SLC25A26: variants seen among roughly 807,000 people sequenced by gnomAD.
The protein encoded by SLC25A26 is mitochondrial S-adenosylmethionine carrier protein.
In SLC25A26, 36 loss-of-function variants were observed where a neutral mutation model predicts 37.8. That is an observed-to-expected ratio of 0.95 (90% confidence interval 0.73 to 1.26). The LOEUF (loss-of-function observed/expected upper bound fraction) is 1.26. Ranked by LOEUF, SLC25A26 falls within the 50% of genes most tolerant of loss-of-function variation. The pLI, the probability that SLC25A26 is intolerant of heterozygous loss-of-function variation, is 0.00. For synonymous variants in SLC25A26, 129 were observed against 122.5 expected, an observed-to-expected ratio of 1.05 and a Z score of -0.35; for missense variants, 390 against 331.1, an observed-to-expected ratio of 1.18 and a Z score of -1.38.
At chr3:66,259,088 A>G (rs1382513203) in intron 3 of SLC25A26, among the ~76,000 whole-genome samples, 1 of 152,104 alleles carries the variant, frequency 6.6e-6, no homozygotes, top group Non-Finnish European at 1.5e-5. Flanking sequence ...CTGCCAGGGT[A>G]GGAGGGGAGA....
At chr3:66,352,378 G>T (rs535436610) in intron 6 of SLC25A26, among the ~76,000 whole-genome samples, 1 of 151,602 alleles carries the variant, frequency 6.6e-6, no homozygotes, top group East Asian at 1.9e-4. Flanking sequence ...CGCTGTGCCC[G>T]GCCACGTTGC....
chr3:66,136,694 T>G (rs1009872099), intron 1 of SLC25A26, among the ~76,000 whole-genome samples: 2 of 152,270 alleles, frequency 1.3e-5, no homozygotes, highest in African/African-American at 4.8e-5. Context: ...CTCTTCTGCT[T>G]TGACTGGGAT....
intron 6 of SLC25A26, among the ~76,000 whole-genome samples, chr3:66,361,438 A>G (rs1195491650): frequency 6.6e-6 from 1 of 152,158 alleles, no homozygotes; most frequent in Non-Finnish European, 1.5e-5. Flanking sequence ...AGATGCTGTT[A>G]AAAGAATGAT....
At chr3:66,341,621 C>G (rs1394584345) in intron 5 of SLC25A26, among the ~76,000 whole-genome samples, 1 of 152,160 alleles carries the variant, frequency 6.6e-6, no homozygotes, top group Non-Finnish European at 1.5e-5. Context: ...TCAAACTGTT[C>G]ACACTCATCT....
intron 5 of SLC25A26, among the ~76,000 whole-genome samples, chr3:66,293,749 A>G (rs974052308): frequency 2.3e-4 from 35 of 152,174 alleles, no homozygotes; most frequent in African/African-American, 8.4e-4. Flanking sequence ...TATAGTATTC[A>G]TGGTATATAT....
At chr3:66,244,055 C>G (rs941571604) in intron 3 of SLC25A26, among the ~76,000 whole-genome samples, 1 of 152,164 alleles carries the variant, frequency 6.6e-6, no homozygotes, top group African/African-American at 2.4e-5. Flanking sequence ...TATCCCAACA[C>G]TAGATGGAGA....
At chr3:66,176,820 T>C (rs557184608) in intron 1 of SLC25A26, among the ~76,000 whole-genome samples, 42 of 152,132 alleles carry the variant, frequency 2.8e-4, no homozygotes, top group African/African-American at 9.7e-4. Flanking sequence ...GTTGCCTTAA[T>C]TGGGGAAGGG....
intron 1 of SLC25A26, among the ~76,000 whole-genome samples, chr3:66,192,854 G>A (rs1385890402): frequency 2.0e-5 from 3 of 152,024 alleles, no homozygotes; most frequent in African/African-American, 7.2e-5. Context: ...GTGTATATTT[G>A]CCTTCTCAAA....
intron 1 of SLC25A26, among the ~76,000 whole-genome samples, chr3:66,212,758 C>T (rs2071301685): frequency 6.6e-6 from 1 of 152,146 alleles, no homozygotes; most frequent in African/African-American, 2.4e-5. Context: ...TTGTGACTGG[C>T]TTATTTTGCT....
exon 1 of SLC25A26, chr3:66,133,734 G>C (rs2069905048): frequency 6.6e-6 from 1 of 152,226 alleles, no homozygotes. Context: ...ATGGCAGTTA[G>C]AATTATATTG....
intron 2 of SLC25A26, among the ~76,000 whole-genome samples, chr3:66,240,125 C>T (rs139443276): frequency 0.14 from 20,866 of 152,000 alleles, 1,626 homozygotes; most frequent in East Asian, 0.31. Context: ...CAATTTATTG[C>T]GGCCATGAAC....
rs1054164145 is a variant in SLC25A26 at position 66,249,367 on chromosome 3, C to A, written c.300+6055C>A. Among the ~76,000 whole-genome samples, 9 of 152,296 alleles carry A rather than the reference C, an allele frequency of 5.9e-5. No homozygotes were observed. In the South Asian group the frequency reaches 1.9e-3, roughly 32 times the overall value. Reference sequence around the variant, plus strand: ...TCTCCTTTGGTATCAGCATATGGGGCAAACATGTTCTTATTCAGCTTTCCC... The same window carrying A: ...TCTCCTTTGGTATCAGCATATGGGGAAAACATGTTCTTATTCAGCTTTCCC... On this transcript the variant is annotated intron_variant, in intron 3 of 9. Coordinates refer to ENST00000354883, the MANE Select transcript of SLC25A26 (RefSeq NM_001379210.1).
rs560447786 is a variant in SLC25A26, at chr3:66,224,809, A to G, written c.33+3682A>G. Among the ~76,000 whole-genome samples the G allele has an allele frequency of 3.3e-5, 5 of 152,360 alleles. 1 individual carries two copies. The East Asian group carries it at 9.6e-4, about 29-fold the overall frequency. ...TCCTAGATACAATGGGGTTACAGGTATTGGGTAAATACACCCATTGCAAAT... is the reference window on the plus strand; with the variant it reads ...TCCTAGATACAATGGGGTTACAGGTGTTGGGTAAATACACCCATTGCAAAT... On this transcript the variant is annotated intron_variant, in intron 1 of 9. Coordinates refer to ENST00000354883, the MANE Select transcript of SLC25A26 (RefSeq NM_001379210.1).
At chr3:66,200,089 A>T (rs1426316950) in intron 1 of SLC25A26, among the ~76,000 whole-genome samples, 1 of 152,218 alleles carries the variant, frequency 6.6e-6, no homozygotes, top group Non-Finnish European at 1.5e-5. Flanking sequence ...TGTTAATATG[A>T]TCTATTACAA....
chr3:66,199,871 T>A (rs1023553156), intron 1 of SLC25A26, among the ~76,000 whole-genome samples: 1 of 152,156 alleles, frequency 6.6e-6, no homozygotes. Flanking sequence ...AGAGCTGCAT[T>A]GACTCTGATT....
chr3:66,147,209 G>A (rs970755219), intron 1 of SLC25A26, among the ~76,000 whole-genome samples: 3 of 148,894 alleles, frequency 2.0e-5, no homozygotes, highest in African/African-American at 7.5e-5. Flanking sequence ...TGTCTCCCAG[G>A]CTAGAGTACA....
chr3:66,357,070 A>T (rs1184669128), intron 6 of SLC25A26, among the ~76,000 whole-genome samples: 7 of 152,196 alleles, frequency 4.6e-5, no homozygotes, highest in African/African-American at 1.7e-4. Flanking sequence ...GAAACTAAGA[A>T]CATTTTTGAC....
At chr3:66,256,735 A>G (rs2073318187) in intron 3 of SLC25A26, among the ~76,000 whole-genome samples, 1 of 152,126 alleles carries the variant, frequency 6.6e-6, no homozygotes, top group Admixed American at 6.5e-5. Flanking sequence ...TTCTCTACTA[A>G]AAGATGAAAA....
At chr3:66,163,067 C>A (rs528051371) in intron 1 of SLC25A26, among the ~76,000 whole-genome samples, 1 of 152,198 alleles carries the variant, frequency 6.6e-6, no homozygotes, top group Non-Finnish European at 1.5e-5. Context: ...TTCCAAGAAG[C>A]CCTGCAGTGC....
Sources: gnomAD v4.1 joint callset for allele counts (sites outside exome capture counted in the v4.1 genomes callset) on GRCh38, gnomAD v4.1.1 for gene constraint, MANE v1.5 for transcripts, NCBI Gene and HGNC (gene_info 2026-07-23, HGNC 2026-07-21) for gene names.